The following FBRSL1 variants were observed in gnomAD, a reference collection of about 807,000 sequenced individuals.
The protein encoded by FBRSL1 is fibrosin-1-like protein.
FBRSL1 carries 51 observed loss-of-function variants against 89.6 expected under a neutral mutation model. That is an observed-to-expected ratio of 0.57 (90% CI 0.45 to 0.72). The LOEUF (loss-of-function observed/expected upper bound fraction) is 0.72. FBRSL1 is among the 30% of genes least tolerant of loss of function. The pLI is 0.00. For missense variants in FBRSL1, 1,618 were observed against 1,451.8 expected, an observed-to-expected ratio of 1.11 and a Z score of -1.86; for synonymous variants, 779 against 681.1, an observed-to-expected ratio of 1.14 and a Z score of -2.24.
Position 132,570,141 on chromosome 12 carries a change from C to T in FBRSL1, c.907C>T (p.Pro303Ser), listed in dbSNP as rs2039907553. 2 of 1,477,740 alleles carry T rather than the reference C, an allele frequency of 1.4e-6. No homozygotes were observed. Among genetic ancestry groups the T allele is most frequent in the African/African-American group, 1.5e-5 (1 of 67,458 alleles). The allele number at this position is 1,477,740 out of a possible 1,614,324, so 91.5% of individuals were successfully genotyped here. Residue 303 changes from proline to serine, a missense_variant, in exon 7 of 19, where the codon CCC (proline) becomes TCC (serine). Transcript: ENST00000680143. Reference sequence around the variant, plus strand: ...GCACCGCCACACCCCGCAGCCGCCACCCCCGCAGCCCCGCGGCCTGCTCCC... The same window carrying T: ...GCACCGCCACACCCCGCAGCCGCCATCCCCGCAGCCCCGCGGCCTGCTCCC... ...APHRHTPQPP[P>S]PQPRGLLPTH... is the part of the protein sequence containing the mutation.
intron 4 of FBRSL1, among the ~76,000 whole-genome samples, chr12:132,538,058 C>T (rs1045368331): frequency 3.9e-5 from 6 of 152,156 alleles, no homozygotes; most frequent in Non-Finnish European, 5.9e-5. Context: ...AACGGGCTCA[C>T]CCAGATCCCT....
chr12:132,532,375 C>T (rs1197473045), intron 4 of FBRSL1, among the ~76,000 whole-genome samples: 1 of 152,320 alleles, frequency 6.6e-6, no homozygotes, highest in East Asian at 1.9e-4. Flanking sequence ...GCCATGCCCA[C>T]CCAGAATTCT....
chr12:132,570,127 C>A lies in FBRSL1; in HGVS notation c.893C>A (p.Thr298Asn). Residue 298 changes from threonine (T) to asparagine (N), a missense_variant, in exon 7 of 19, where the codon ACC (threonine) becomes AAC (asparagine). By Grantham distance (65) the Thr-to-Asn change is moderately conservative. Transcript: ENST00000680143. ...GAACCCCCCGCCCCGCACCGCCACACCCCGCAGCCGCCACCCCCGCAGCCC... is the reference window on the plus strand; with the variant it reads ...GAACCCCCCGCCCCGCACCGCCACAACCCGCAGCCGCCACCCCCGCAGCCC... ...KKEPPAPHRH[T>N]PQPPPPQPRG... 6.8e-7 allele frequency: 1 copy of A among 1,478,676 alleles called. No homozygotes were observed. Among genetic ancestry groups the A allele is most frequent in the Non-Finnish European group, 8.9e-7 (1 of 1,123,370 alleles). 91.6% of individuals were successfully genotyped at this position (1,478,676 alleles called of 1,614,324 possible). A position where few individuals can be genotyped will look rare whatever the true frequency, so the allele number is the denominator to read the frequency against.
intron 1 of FBRSL1, among the ~76,000 whole-genome samples, chr12:132,494,042 C>T (rs532377330): frequency 2.0e-5 from 3 of 152,252 alleles, no homozygotes; most frequent in African/African-American, 2.4e-5. Context: ...TGGGGCGGCG[C>T]GGCAGACCTG....
chr12:132,508,559 G>A (rs933156207), intron 2 of FBRSL1, among the ~76,000 whole-genome samples: 16 of 152,322 alleles, frequency 1.1e-4, no homozygotes, highest in African/African-American at 3.4e-4. Flanking sequence ...GGGCCGTGAC[G>A]TGCCCAGGGC....
At chr12:132,491,202 G>T (rs1177937547) in intron 1 of FBRSL1, among the ~76,000 whole-genome samples, 3 of 152,236 alleles carry the variant, frequency 2.0e-5, no homozygotes, top group African/African-American at 7.2e-5. Context: ...CCTGGTTCAG[G>T]ACGTGCTAGG....
At chr12:132,560,030 G>T (rs1175485073) in intron 5 of FBRSL1, 1 of 149,782 alleles carries the variant, frequency 6.7e-6, no homozygotes, top group Non-Finnish European at 1.5e-5. Context: ...AGCCCAGAGC[G>T]CACCGAGCGC....
chr12:132,495,544 C>T (rs949206848), intron 1 of FBRSL1, among the ~76,000 whole-genome samples: 1 of 152,214 alleles, frequency 6.6e-6, no homozygotes, highest in Non-Finnish European at 1.5e-5. Context: ...CTCCTTGTGG[C>T]TGCTTCCTGG....
chr12:132,583,001 C>A lies in FBRSL1; in HGVS notation c.2232C>A (p.Ser744Arg). Reference sequence around the variant, plus strand: ...TCCTGGAGAAGACGCGCCTGCTGAGCCGGGCCTCGCCCGCCACCCCCGCTG... The same window carrying A: ...TCCTGGAGAAGACGCGCCTGCTGAGACGGGCCTCGCCCGCCACCCCCGCTG... The part of the protein sequence containing the change: ...RDLLEKTRLL[S>R]RASPATPAGH... The change falls in exon 19 of 19, where the codon AGC (serine) becomes AGA (arginine). Residue 744 changes from serine to arginine, a missense_variant. Physicochemically the swap from Ser to Arg is moderately radical, Grantham distance 110. Transcript: ENST00000680143. 1 of 1,453,198 alleles carries A rather than the reference C, an allele frequency of 6.9e-7. No homozygotes were observed. The highest frequency in any genetic ancestry group is 1.3e-5 in the South Asian group (1 of 75,152). 90.0% of individuals were successfully genotyped at this position (1,453,198 alleles called of 1,614,324 possible). A position where few individuals can be genotyped will look rare whatever the true frequency, so the allele number is the denominator to read the frequency against.
chr12:132,578,472 C>T (rs750315280), intron 15 of FBRSL1, among the ~76,000 whole-genome samples: 8 of 152,080 alleles, frequency 5.3e-5, no homozygotes, highest in Admixed American at 6.6e-5. Flanking sequence ...GAGGAGGGGC[C>T]GGTCTCGCTG....
rs539717152 is a variant in FBRSL1, at chr12:132,549,930, T to C, written c.645+1898T>C. 1.8e-3 allele frequency among the ~76,000 whole-genome samples: 273 copies of C among 152,302 alleles called. 1 individual carries two copies. Among genetic ancestry groups the C allele is most frequent in the African/African-American group, 6.1e-3 (254 of 41,570 alleles). On this transcript the variant is annotated intron_variant, in intron 5 of 18. Transcript: ENST00000680143. ...ATGGGGTCAGGTGGAGTCTGCACACTGGGGCGTTTATTTCTGAGACGCCCA... is the reference window on the plus strand; with the variant it reads ...ATGGGGTCAGGTGGAGTCTGCACACCGGGGCGTTTATTTCTGAGACGCCCA...
intron 3 of FBRSL1, among the ~76,000 whole-genome samples, chr12:132,526,762 C>A (rs543110286): frequency 2.6e-5 from 4 of 152,150 alleles, no homozygotes; most frequent in African/African-American, 9.7e-5. Context: ...ATCTGCCCCC[C>A]ACTCCTCAGG....
chr12:132,514,422 G>C (rs1226672862), intron 2 of FBRSL1, among the ~76,000 whole-genome samples: 1 of 152,234 alleles, frequency 6.6e-6, no homozygotes, highest in Admixed American at 6.5e-5. Flanking sequence ...GTACCAGACT[G>C]AGCTGGACTG....
In FBRSL1 at chr12:132,581,769, G is replaced by A. The variant is rs990497641; in HGVS notation, c.1941G>A (p.Gly647=). The A allele has an allele frequency of 1.5e-5, 24 of 1,549,886 alleles. 1 individual carries two copies. Among genetic ancestry groups the A allele is most frequent in the Non-Finnish European group, 2.1e-5 (24 of 1,146,694 alleles). ...TDPFSRPSTF[G]GLGSLSSHAF... ...CTTTCAGCAGACCGAGCACCTTTGG[G>A]GGCCTGGGCAGCCTGAGCAGCCACG... is the stretch of plus-strand genomic sequence containing the variant. Residue 647 remains glycine (G), a synonymous_variant, in exon 17 of 19, where the codon GGG becomes GGA. Coordinates refer to ENST00000680143, the MANE Select transcript of FBRSL1 (RefSeq NM_001367871.1).
chr12:132,514,301 C>G (rs1014680506), intron 2 of FBRSL1, among the ~76,000 whole-genome samples: 1 of 152,176 alleles, frequency 6.6e-6, no homozygotes, highest in Non-Finnish European at 1.5e-5. Flanking sequence ...CCAGGGCCGC[C>G]CAGAAGTCCA....
chr12:132,558,346 G>A (rs2038844236), intron 5 of FBRSL1, among the ~76,000 whole-genome samples: 1 of 152,220 alleles, frequency 6.6e-6, no homozygotes, highest in Admixed American at 6.5e-5. Context: ...AGCCACGCCA[G>A]CAGCACGTCT....
chr12:132,560,245 C>G (rs2039001043), intron 5 of FBRSL1: 1 of 151,894 alleles, frequency 6.6e-6, no homozygotes, highest in Non-Finnish European at 1.5e-5. Flanking sequence ...GTGCGCGCTG[C>G]GGACTCCAGA....
rs1566114873 is a variant in FBRSL1 at position 132,509,267 on chromosome 12, C to T, written c.489+917C>T. 2.4e-6 allele frequency: 3 copies of T among 1,253,940 alleles called. No individual in the cohort carries two copies. The South Asian group carries it at 1.2e-4, about 50-fold the overall frequency. 77.7% of individuals were successfully genotyped at this position (1,253,940 alleles called of 1,614,324 possible). ...TCCAGCCCAGCCAGTCCAGCCAGCCCCAGGGGTCCCTCCCAGCCCCGTCGG... is the reference window on the plus strand; with the variant it reads ...TCCAGCCCAGCCAGTCCAGCCAGCCTCAGGGGTCCCTCCCAGCCCCGTCGG... On this transcript the variant is annotated intron_variant, in intron 2 of 18. Coordinates refer to ENST00000680143, the MANE Select transcript of FBRSL1 (RefSeq NM_001367871.1).
chr12:132,512,444 C>T (rs1193993363), intron 2 of FBRSL1, among the ~76,000 whole-genome samples: 1 of 152,244 alleles, frequency 6.6e-6, no homozygotes, highest in Non-Finnish European at 1.5e-5. Flanking sequence ...GGCTGAGCTC[C>T]AGGCTGGACC....
Sources: allele counts gnomAD v4.1 joint callset (sites outside exome capture counted in the v4.1 genomes callset), GRCh38; gene constraint gnomAD v4.1.1; transcripts MANE v1.5; gene names NCBI Gene and HGNC (gene_info 2026-07-23, HGNC 2026-07-21).